C1orf87: variants seen among roughly 807,000 people sequenced by gnomAD.
C1orf87 encodes chromosome 1 open reading frame 87, also known as uncharacterized protein C1orf87.
Under a neutral mutation model 60.5 loss-of-function variants are expected in C1orf87, and 58 were observed. That is an observed-to-expected ratio of 0.96 (90% confidence interval 0.78 to 1.19). The LOEUF is 1.19. C1orf87 is among the 50% of genes most tolerant of loss of function. C1orf87 has a pLI of 0.00. For synonymous variants in C1orf87, 236 were observed against 227.4 expected (o/e 1.04, Z -0.34); for missense variants, 673 against 638.6 (o/e 1.05, Z -0.58).
chr1:60,008,902 A>G (rs943556424), intron 9 of C1orf87: 5 of 314,470 alleles, frequency 1.6e-5, no homozygotes, highest in Non-Finnish European at 2.5e-5. Context: ...TGGAGACCCT[A>G]GAACCATCTG....
At chr1:59,998,448 A>G (rs572170398) in intron 10 of C1orf87, among the ~76,000 whole-genome samples, 12 of 131,608 alleles carry the variant, frequency 9.1e-5, no homozygotes, top group Non-Finnish European at 1.8e-4. Context: ...GCCAGTATAA[A>G]ATAGAGGTGT....
intron 8 of C1orf87, among the ~76,000 whole-genome samples, chr1:60,021,998 C>A (rs1321685809): frequency 1.3e-5 from 2 of 151,650 alleles, no homozygotes; most frequent in Non-Finnish European, 2.9e-5. Context: ...GTGAAGTCTG[C>A]ATGGTGTGTT....
At chr1:60,013,714 A>T (rs17119992) in intron 8 of C1orf87, among the ~76,000 whole-genome samples, 2,245 of 151,712 alleles carry the variant, frequency 0.015, 45 homozygotes, top group African/African-American at 0.052. Context: ...TTTTGCTTCA[A>T]ATGAGTATCT....
intron 7 of C1orf87, among the ~76,000 whole-genome samples, chr1:60,027,587 A>G (rs533577548): frequency 6.6e-6 from 1 of 152,324 alleles, no homozygotes; most frequent in Admixed American, 6.5e-5. Context: ...GAATAATTAT[A>G]AAACCAACAT....
At chr1:59,998,964 C>T (rs11207563) in intron 10 of C1orf87, among the ~76,000 whole-genome samples, 39,442 of 151,968 alleles carry the variant, frequency 0.26, 5,502 homozygotes, top group East Asian at 0.48. Flanking sequence ...TGGTTTTGTT[C>T]ATTGAAATCT....
At chr1:60,008,270 C>A (rs1645059770) in intron 9 of C1orf87, among the ~76,000 whole-genome samples, 1 of 151,992 alleles carries the variant, frequency 6.6e-6, no homozygotes, top group Non-Finnish European at 1.5e-5. Context: ...TTGCATTTTT[C>A]TTTTATATTT....
In C1orf87 at chr1:60,032,083, C is replaced by T. The variant is rs535470522; in HGVS notation, c.1029+1393G>A. On this transcript the variant is annotated intron_variant, in intron 7 of 11. Transcript: ENST00000371201. ...AAGTTAAAAGAAAAATGCTTTTGTC[C>T]TAGAATAAGAACTCATTTTCAGCAT... Among the ~76,000 whole-genome samples, 271 of 152,148 alleles carry T rather than the reference C, an allele frequency of 1.8e-3. 1 individual carries two copies. Among genetic ancestry groups the T allele is most frequent in the South Asian group, 3.9e-3 (19 of 4,816 alleles).
chr1:60,046,507 T>C lies in C1orf87; in HGVS notation c.343-5376A>G, dbSNP rs138490677. 6.0e-4 allele frequency among the ~76,000 whole-genome samples: 90 copies of C among 149,170 alleles called. No homozygotes were observed. In the East Asian group the frequency reaches 0.017, roughly 29 times the overall value. On this transcript the variant is annotated intron_variant, in intron 3 of 11. Coordinates refer to ENST00000371201, the MANE Select transcript of C1orf87 (RefSeq NM_152377.3). ...AGCGTGCAGAGTAGCACAGCCATTA[T>C]TCACCACAGCCTGGCCTGAACTCCT...
Position 60,051,110 on chromosome 1 carries a change from G to A in C1orf87, c.342+4094C>T, listed in dbSNP as rs569330135. Among the ~76,000 whole-genome samples, 5 of 152,302 alleles carry A rather than the reference G, an allele frequency of 3.3e-5. No individual in the cohort carries two copies. In the South Asian group the frequency reaches 1.0e-3, roughly 32 times the overall value. On this transcript the variant is annotated intron_variant, in intron 3 of 11. Transcript: ENST00000371201. ...AAAGGATTTGAGGTGAAAGGGAACA[G>A]AACTCTATTTATGGAAAAGAATTTC...
intron 7 of C1orf87, among the ~76,000 whole-genome samples, chr1:60,032,143 C>A (rs552000099): frequency 1.1e-4 from 16 of 152,310 alleles, no homozygotes; most frequent in Non-Finnish European, 2.1e-4. Flanking sequence ...TATCACCGTT[C>A]TTTTAAATTC....
chr1:60,038,378 C>G (rs1167113781), intron 5 of C1orf87, among the ~76,000 whole-genome samples: 1 of 152,108 alleles, frequency 6.6e-6, no homozygotes, highest in South Asian at 2.1e-4. Flanking sequence ...AGAACCGAGA[C>G]CCTGTGAGCT....
chr1:60,064,331 A>G (rs990309334), intron 2 of C1orf87, among the ~76,000 whole-genome samples: 1 of 139,100 alleles, frequency 7.2e-6, no homozygotes, highest in Admixed American at 7.6e-5. Context: ...TATATTATAT[A>G]TACTATATAT....
chr1:59,992,716 T>C (rs1228327654), intron 11 of C1orf87, among the ~76,000 whole-genome samples: 2 of 152,206 alleles, frequency 1.3e-5, no homozygotes, highest in African/African-American at 4.8e-5. Context: ...ATACCAAATA[T>C]TACTCATTTT....
chr1:60,020,810 G>A (rs533052184), intron 8 of C1orf87, among the ~76,000 whole-genome samples: 5 of 152,160 alleles, frequency 3.3e-5, no homozygotes, highest in Non-Finnish European at 7.4e-5. Context: ...GGCATGATTG[G>A]TTTAGAAACA....
intron 8 of C1orf87, among the ~76,000 whole-genome samples, chr1:60,014,374 C>T (rs948213722): frequency 4.6e-5 from 7 of 152,050 alleles, no homozygotes; most frequent in Admixed American, 2.6e-4. Context: ...TCCCATATTC[C>T]GTTTATTTAT....
At chr1:60,016,336 A>G (rs147406988) in intron 8 of C1orf87, among the ~76,000 whole-genome samples, 52 of 152,310 alleles carry the variant, frequency 3.4e-4, no homozygotes, top group African/African-American at 1.3e-3. Flanking sequence ...TATTAGGTGC[A>G]TATGCATTAA....
intron 3 of C1orf87, among the ~76,000 whole-genome samples, chr1:60,053,576 A>C (rs1040127161): frequency 5.5e-5 from 7 of 126,546 alleles, no homozygotes; most frequent in African/African-American, 1.9e-4. Context: ...CAAGGGGAGA[A>C]TTTTTGATAT....
At chr1:60,062,172 C>A (rs1645501910) in intron 2 of C1orf87, among the ~76,000 whole-genome samples, 1 of 152,160 alleles carries the variant, frequency 6.6e-6, no homozygotes, top group African/African-American at 2.4e-5. Flanking sequence ...GTGCTCCTAC[C>A]AACCTTGCAG....
chr1:60,037,847 C>G (rs1044936329), intron 6 of C1orf87, 145 bp downstream of exon 6: 5 of 498,962 alleles, frequency 1.0e-5, no homozygotes, highest in African/African-American at 1.9e-5. Context: ...GTGCCCTGAT[C>G]TTAGACTTTC....
Sources: allele counts gnomAD v4.1 joint callset (sites outside exome capture counted in the v4.1 genomes callset), GRCh38; gene constraint gnomAD v4.1.1; transcripts MANE v1.5; gene names NCBI Gene and HGNC (gene_info 2026-07-23, HGNC 2026-07-21).